EPHA6: variants seen among roughly 807,000 people sequenced by gnomAD.
The protein encoded by EPHA6 is ephrin type-A receptor 6.
Under a neutral mutation model 112.0 loss-of-function variants are expected in EPHA6, and 50 were observed. That is an observed-to-expected ratio of 0.45 (90% CI 0.36 to 0.56). EPHA6 has a LOEUF of 0.56. EPHA6 is among the 20% of genes least tolerant of loss of function. EPHA6 has a pLI of 0.00. For synonymous variants in EPHA6, 529 were observed against 490.7 expected, an observed-to-expected ratio of 1.08 and a Z score of -1.03; for missense variants, 1,280 against 1,417.4, an observed-to-expected ratio of 0.90 and a Z score of 1.56.
intron 11 of EPHA6, among the ~76,000 whole-genome samples, chr3:97,585,059 TAAAAGTCCAA>T (rs1465427473): frequency 1.3e-5 from 2 of 152,134 alleles, no homozygotes; most frequent in South Asian, 2.1e-4. Flanking sequence ...TTTCAGTAAT[TAAAAGTCCAA>T]GTTCCACTGA....
At chr3:96,826,013 T>A (rs1425064980) in intron 1 of EPHA6, among the ~76,000 whole-genome samples, 1 of 151,908 alleles carries the variant, frequency 6.6e-6, no homozygotes, top group Non-Finnish European at 1.5e-5. Context: ...GTTTTTTTGT[T>A]ATAATTGCAA....
intron 3 of EPHA6, among the ~76,000 whole-genome samples, chr3:96,994,709 G>GTGTATATATATATATATATATATA (rs1363786371): frequency 1.0e-5 from 1 of 98,482 alleles, no homozygotes; most frequent in East Asian, 2.7e-4. Context: ...GTGTGTGTGT[G>GTGTATATATATATATATATATATA]TATATATATA....
intron 6 of EPHA6, among the ~76,000 whole-genome samples, chr3:97,433,450 A>G (rs2089638489): frequency 6.6e-6 from 1 of 152,156 alleles, no homozygotes. Flanking sequence ...ATGAACCAAC[A>G]GGAGAGTTGC....
intron 2 of EPHA6, among the ~76,000 whole-genome samples, chr3:96,942,468 C>T (rs1000863694): frequency 3.9e-5 from 6 of 152,146 alleles, no homozygotes; most frequent in South Asian, 2.1e-4. Context: ...GTTGGAAAAG[C>T]GCAGTATTAG....
intron 5 of EPHA6, among the ~76,000 whole-genome samples, chr3:97,360,832 A>G (rs2084334118): frequency 6.6e-6 from 1 of 152,224 alleles, no homozygotes; most frequent in Non-Finnish European, 1.5e-5. Flanking sequence ...TGAAGTAAAC[A>G]AAAACATTTA....
chr3:97,040,654 A>T lies in EPHA6; in HGVS notation c.1114+52661A>T, dbSNP rs184060120. ...CATAGCTATAATGATCCAAGCATTC[A>T]TATTCTCCCTAGAGATGATTCCTGA... On this transcript the variant is annotated intron_variant, in intron 3 of 17. Coordinates refer to ENST00000389672, the MANE Select transcript of EPHA6 (RefSeq NM_001080448.3). Among the ~76,000 whole-genome samples the T allele has an allele frequency of 9.9e-5, 15 of 152,218 alleles. No individual in the cohort carries two copies. In the East Asian group the frequency reaches 2.9e-3, roughly 29 times the overall value.
At chr3:97,245,013 C>T (rs1346237440) in intron 5 of EPHA6, among the ~76,000 whole-genome samples, 1 of 151,878 alleles carries the variant, frequency 6.6e-6, no homozygotes, top group Non-Finnish European at 1.5e-5. Flanking sequence ...AAACTCCTTT[C>T]GAGAAGTGTT....
chr3:97,641,753 A>C (rs1011323602), intron 14 of EPHA6, among the ~76,000 whole-genome samples: 3 of 152,216 alleles, frequency 2.0e-5, no homozygotes, highest in African/African-American at 7.2e-5. Flanking sequence ...ACAGCGCACC[A>C]CGAGATTATA....
chr3:97,732,975 T>C (rs2035102278), intron 15 of EPHA6, among the ~76,000 whole-genome samples: 1 of 151,934 alleles, frequency 6.6e-6, no homozygotes, highest in South Asian at 2.1e-4. Context: ...CAAGAAAAAG[T>C]CATGAGTCTT....
chr3:96,933,548 C>CAA (rs1348691676), intron 2 of EPHA6, among the ~76,000 whole-genome samples: 1 of 152,098 alleles, frequency 6.6e-6, no homozygotes, highest in Non-Finnish European at 1.5e-5. Context: ...CAAAATTCTA[C>CAA]AAGTGAAATT....
At chr3:97,270,483 A>T (rs2079842173) in intron 5 of EPHA6, among the ~76,000 whole-genome samples, 1 of 152,196 alleles carries the variant, frequency 6.6e-6, no homozygotes, top group African/African-American at 2.4e-5. Flanking sequence ...AGGGTATGTT[A>T]TTGCATTTGT....
intron 10 of EPHA6, among the ~76,000 whole-genome samples, chr3:97,514,344 CTG>C (rs920657655): frequency 3.9e-5 from 6 of 152,194 alleles, no homozygotes; most frequent in African/African-American, 1.4e-4. Flanking sequence ...ACCTCCTTCT[CTG>C]TGTTTCTTGC....
At chr3:97,369,022 G>A (rs776303604) in intron 5 of EPHA6, among the ~76,000 whole-genome samples, 7 of 152,088 alleles carry the variant, frequency 4.6e-5, no homozygotes, top group Non-Finnish European at 1.0e-4. Context: ...AGAATAAACC[G>A]GCCATATGAA....
At chr3:97,426,123 C>T (rs535927526) in intron 6 of EPHA6, among the ~76,000 whole-genome samples, 4 of 152,306 alleles carry the variant, frequency 2.6e-5, no homozygotes, top group East Asian at 1.9e-4. Context: ...TCCACATTTT[C>T]GAGTATCTTT....
chr3:96,841,644 C>A (rs1435333134), intron 1 of EPHA6, among the ~76,000 whole-genome samples: 1 of 152,016 alleles, frequency 6.6e-6, no homozygotes, highest in Non-Finnish European at 1.5e-5. Flanking sequence ...GTTTCTGAGT[C>A]ACTACCTGTC....
At chr3:97,348,173 G>GTAAT (rs2083628145) in intron 5 of EPHA6, among the ~76,000 whole-genome samples, 1 of 152,076 alleles carries the variant, frequency 6.6e-6, no homozygotes, top group African/African-American at 2.4e-5. Context: ...TATAAAGAAT[G>GTAAT]TAATGCCATA....
chr3:97,702,209 T>C (rs2033435032), intron 14 of EPHA6, among the ~76,000 whole-genome samples: 1 of 152,236 alleles, frequency 6.6e-6, no homozygotes, highest in Non-Finnish European at 1.5e-5. Flanking sequence ...TATGCATTTT[T>C]ATCAGGTGTT....
At chr3:97,482,127 ATATGTT>A (rs2091570558) in intron 9 of EPHA6, among the ~76,000 whole-genome samples, 1 of 152,206 alleles carries the variant, frequency 6.6e-6, no homozygotes, top group African/African-American at 2.4e-5. Flanking sequence ...TTTACTACAC[ATATGTT>A]TATAAGAAAA....
At chr3:97,328,068 T>TATATATACAC (rs2082569149) in intron 5 of EPHA6, among the ~76,000 whole-genome samples, 1 of 145,688 alleles carries the variant, frequency 6.9e-6, no homozygotes, top group Admixed American at 6.9e-5. Context: ...TATATATATA[T>TATATATACAC]ATATATATAT....
Sources: gnomAD v4.1 joint callset for allele counts (sites outside exome capture counted in the v4.1 genomes callset) on GRCh38, gnomAD v4.1.1 for gene constraint, MANE v1.5 for transcripts, NCBI Gene and HGNC (gene_info 2026-07-23, HGNC 2026-07-21) for gene names.